Variants in EPS15L1 observed in about 807,000 individuals in gnomAD.
EPS15L1 encodes the protein epidermal growth factor receptor substrate 15-like 1.
A neutral mutation model predicts 117.1 loss-of-function variants in EPS15L1; 43 were observed. The observed-to-expected ratio is 0.37, with a 90% CI of 0.29 to 0.47. EPS15L1 has a LOEUF of 0.47. Among genes scored for constraint, EPS15L1 ranks in the 20% least tolerant of loss-of-function variants. The probability of loss-of-function intolerance (pLI) is 0.99; values close to 1 mark genes in which losing one functional copy is unlikely to be tolerated. For synonymous variants in EPS15L1, 459 were observed against 470.5 expected (o/e 0.98, Z 0.32); for missense variants, 981 against 1,164.0 (o/e 0.84, Z 2.29).
chr19:16,458,899 G>A (rs1013469126), intron 1 of EPS15L1, among the ~76,000 whole-genome samples: 1 of 152,196 alleles, frequency 6.6e-6, no homozygotes. Context: ...CGTCCTGAGA[G>A]TTGCATCGTC....
At position 16,402,492 on chromosome 19, in the gene EPS15L1, A is replaced by G. The variant is rs1390540085; in HGVS notation, c.1627-7T>C. The G allele has an allele frequency of 2.5e-6, 4 of 1,582,012 alleles. No homozygotes were observed. Among genetic ancestry groups the G allele is most frequent in the Non-Finnish European group, 2.6e-6 (3 of 1,165,480 alleles). ...GGGAAAGTTTGCTCCTTGCCTGTGC[A>G]ACAAAGACATCATCAGCATTAAGCA... On this transcript the variant is annotated splice_polypyrimidine_tract_variant and splice_region_variant and intron_variant, in intron 15 of 23. Transcript: ENST00000455140.
At chr19:16,459,785 G>A (rs989044715) in intron 1 of EPS15L1, among the ~76,000 whole-genome samples, 3 of 152,196 alleles carry the variant, frequency 2.0e-5, no homozygotes, top group Non-Finnish European at 2.9e-5. Context: ...AATGGTGGGC[G>A]GGGAGGGAGG....
At chr19:16,377,660 G>T (rs555397445) in intron 21 of EPS15L1, among the ~76,000 whole-genome samples, 1 of 152,210 alleles carries the variant, frequency 6.6e-6, no homozygotes, top group Non-Finnish European at 1.5e-5. Flanking sequence ...GTGGTGCTTG[G>T]CACATGCCCT....
At chr19:16,400,834 T>A (rs996722955) in intron 16 of EPS15L1, 4 of 985,392 alleles carry the variant, frequency 4.1e-6, no homozygotes, top group Non-Finnish European at 3.6e-6. Context: ...ACTGGCCACT[T>A]GCAAACTGCC....
In EPS15L1 at chr19:16,371,513, G is replaced by A. The variant is rs958301872; in HGVS notation, c.2380+5609C>T. ...ACATGCTCATCACCATCACCTATGCGGCTTTGTTTAGGAGGTGAAAAGGTC... is the reference window on the plus strand; with the variant it reads ...ACATGCTCATCACCATCACCTATGCAGCTTTGTTTAGGAGGTGAAAAGGTC... On this transcript the variant is annotated intron_variant, in intron 22 of 23. Transcript: ENST00000455140. This position sits in a 1 kb window ranked among gnomAD's most constrained non-coding sequence, Gnocchi z 4.7. Among the ~76,000 whole-genome samples, 7 of 152,182 alleles carry A rather than the reference G, an allele frequency of 4.6e-5. No homozygotes were observed. The highest frequency in any genetic ancestry group is 1.4e-4 in the African/African-American group (6 of 41,444).
chr19:16,444,512 G>A (rs2093064717), intron 1 of EPS15L1, among the ~76,000 whole-genome samples: 1 of 152,034 alleles, frequency 6.6e-6, no homozygotes, highest in South Asian at 2.1e-4. Flanking sequence ...TCCAAAATAT[G>A]TCTCCCCAGA....
At chr19:16,468,933 T>C (rs879354965) in intron 1 of EPS15L1, among the ~76,000 whole-genome samples, 11 of 152,132 alleles carry the variant, frequency 7.2e-5, no homozygotes, top group South Asian at 4.1e-4. Context: ...GGTGGGAGAA[T>C]TGCTTGAGCC....
At chr19:16,391,850 C>A (rs2092478827) in intron 19 of EPS15L1, among the ~76,000 whole-genome samples, 1 of 152,092 alleles carries the variant, frequency 6.6e-6, no homozygotes, top group South Asian at 2.1e-4. Flanking sequence ...GGAGCACCTA[C>A]CAAACGTGAC....
rs779362147 is a variant in EPS15L1, at chr19:16,440,921, C to T, written c.166-12G>A. The T allele has an allele frequency of 6.2e-7, 1 of 1,614,032 alleles. No homozygotes were observed. The highest frequency in any genetic ancestry group is 8.5e-7 in the Non-Finnish European group (1 of 1,179,912). Reference sequence around the variant, plus strand: ...GCCAAGTCCCATATCTGCGGAAACACAAAAATGCTCATAAGCATGACTGCC... The same window carrying T: ...GCCAAGTCCCATATCTGCGGAAACATAAAAATGCTCATAAGCATGACTGCC... On this transcript the variant is annotated splice_polypyrimidine_tract_variant and intron_variant, in intron 3 of 23. Transcript: ENST00000455140.
chr19:16,441,802 T>A, intron 3 of EPS15L1, 90 bp downstream of exon 3: 1 of 1,003,602 alleles, frequency 1.0e-6, no homozygotes, highest in South Asian at 1.6e-5. Flanking sequence ...CCGGGCCCCA[T>A]GGAAGGAGGC....
At chr19:16,362,405 T>A (rs932242702) in intron 22 of EPS15L1, among the ~76,000 whole-genome samples, 25 of 147,674 alleles carry the variant, frequency 1.7e-4, no homozygotes, top group Admixed American at 6.8e-4. Context: ...GAGGGGAGAG[T>A]TACTTGCAAA....
intron 22 of EPS15L1, among the ~76,000 whole-genome samples, chr19:16,367,079 C>A (rs1388523847): frequency 6.6e-6 from 1 of 151,844 alleles, no homozygotes; most frequent in Non-Finnish European, 1.5e-5. Context: ...AAGGAGAGAG[C>A]TTTACTGACG....
At chr19:16,415,239 C>G (rs1461560017) in intron 12 of EPS15L1, among the ~76,000 whole-genome samples, 1 of 152,204 alleles carries the variant, frequency 6.6e-6, no homozygotes, top group East Asian at 1.9e-4. Context: ...GGGTCCTCAG[C>G]AGACCCGATC....
In EPS15L1 at chr19:16,439,074, G is replaced by GTT. The variant is rs755051356; in HGVS notation, c.214-1211_214-1210dup. ...GGATCACTTAGCTTGTTTTTTTTCT[G>GTT]TTTTTTTTTTTTTTTATTAACTGGC... On this transcript the variant is annotated intron_variant, in intron 4 of 23. Coordinates refer to ENST00000455140, the MANE Select transcript of EPS15L1 (RefSeq NM_001258374.3). Among the ~76,000 whole-genome samples the GTT allele has an allele frequency of 3.3e-3, 378 of 115,284 alleles. 5 individuals carry two copies. The highest frequency in any genetic ancestry group is 0.02 in the South Asian group (72 of 3,566). The allele number at this position is 115,284 out of a possible 152,430, so 75.6% of individuals were successfully genotyped here. A position where few individuals can be genotyped will look rare whatever the true frequency, so the allele number is the denominator to read the frequency against.
chr19:16,442,360 A>G, intron 1 of EPS15L1, 141 bp from the exon 2 acceptor site: 1 of 644,998 alleles, frequency 1.6e-6, no homozygotes, highest in Non-Finnish European at 2.8e-6. Flanking sequence ...CATCCTCTGA[A>G]CACAGAATTC....
At chr19:16,431,261 A>T (rs1159033038) in intron 7 of EPS15L1, among the ~76,000 whole-genome samples, 2 of 151,382 alleles carry the variant, frequency 1.3e-5, no homozygotes, top group Non-Finnish European at 2.9e-5. Context: ...TTTTTTTAAT[A>T]AATAAATAAA....
intron 13 of EPS15L1, chr19:16,413,363 C>T: frequency 1.4e-6 from 1 of 691,086 alleles, no homozygotes; most frequent in Non-Finnish European, 2.6e-6. Flanking sequence ...ATGACTGCTA[C>T]ACCTCAGCCA....
chr19:16,462,447 G>A (rs2093262247), intron 1 of EPS15L1, among the ~76,000 whole-genome samples: 1 of 152,168 alleles, frequency 6.6e-6, no homozygotes, highest in African/African-American at 2.4e-5. Context: ...GATCACTAGA[G>A]GCCAGGAGTT....
chr19:16,359,242 A>G (rs1252469994), intron 23 of EPS15L1, among the ~76,000 whole-genome samples: 1 of 152,196 alleles, frequency 6.6e-6, no homozygotes, highest in African/African-American at 2.4e-5. Context: ...GCATTTGCTC[A>G]GGGAAGTGGA....
Sources: gnomAD v4.1 joint callset for allele counts (sites outside exome capture counted in the v4.1 genomes callset) on GRCh38, gnomAD v4.1.1 for gene constraint, Gnocchi (gnomAD v3.1) non-coding constraint, MANE v1.5 for transcripts, NCBI Gene and HGNC (gene_info 2026-07-23, HGNC 2026-07-21) for gene names.